CADPS: variants seen among roughly 807,000 people sequenced by gnomAD.
CADPS encodes calcium dependent secretion activator, also known as calcium-dependent secretion activator 1.
Under a neutral mutation model 167.3 loss-of-function variants are expected in CADPS, and 57 were observed. That is an observed-to-expected ratio of 0.34 (90% CI 0.28 to 0.42). CADPS has a LOEUF of 0.42. Ranked by LOEUF, CADPS falls within the 20% of genes least tolerant of loss-of-function variation. The pLI, the probability that CADPS is intolerant of heterozygous loss-of-function variation, is 1.00. For missense variants in CADPS, 1,414 were observed against 1,738.1 expected (o/e 0.81, Z 3.32); for synonymous variants, 676 against 635.3 (o/e 1.06, Z -0.96).
At chr3:62,415,136 G>A (rs367881940) in intron 28 of CADPS, among the ~76,000 whole-genome samples, 1 of 138,092 alleles carries the variant, frequency 7.2e-6, no homozygotes, top group Non-Finnish European at 1.6e-5. Context: ...ACACGCACAC[G>A]TACGACATCC....
chr3:62,612,054 C>A (rs937763579), intron 6 of CADPS, among the ~76,000 whole-genome samples: 1 of 152,188 alleles, frequency 6.6e-6, no homozygotes, highest in Admixed American at 6.5e-5. Context: ...AGACACTTAA[C>A]AAATATTTTT....
chr3:62,641,853 G>GC (rs142033589), intron 6 of CADPS, among the ~76,000 whole-genome samples: 6,419 of 152,134 alleles, frequency 0.042, 462 homozygotes, highest in African/African-American at 0.14. Flanking sequence ...ATAAGAGGCT[G>GC]CCGGCCTTCA....
At chr3:62,858,433 A>T (rs1050539681) in intron 1 of CADPS, among the ~76,000 whole-genome samples, 1 of 152,084 alleles carries the variant, frequency 6.6e-6, no homozygotes, top group African/African-American at 2.4e-5. Flanking sequence ...ATCAACTTGG[A>T]TCACCTGGGC....
At chr3:62,444,145 C>T (rs995981245) in intron 27 of CADPS, among the ~76,000 whole-genome samples, 7 of 152,168 alleles carry the variant, frequency 4.6e-5, no homozygotes, top group Admixed American at 1.3e-4. Context: ...GGCTGAGATA[C>T]CCCCTCTGCT....
chr3:62,556,711 G>T (rs949112361), intron 10 of CADPS, among the ~76,000 whole-genome samples: 1 of 151,894 alleles, frequency 6.6e-6, no homozygotes, highest in Non-Finnish European at 1.5e-5. Context: ...AAAATGGGTG[G>T]GGGGAGAGGT....
intron 3 of CADPS, among the ~76,000 whole-genome samples, chr3:62,737,247 G>A (rs978050294): frequency 1.3e-5 from 2 of 151,938 alleles, no homozygotes; most frequent in Non-Finnish European, 2.9e-5. Flanking sequence ...CCAGGAGTTC[G>A]AGACCAGCCT....
chr3:62,531,757 T>G (rs150664956), intron 13 of CADPS, among the ~76,000 whole-genome samples: 3 of 152,312 alleles, frequency 2.0e-5, no homozygotes, highest in African/African-American at 7.2e-5. Context: ...AGGCTTGTCT[T>G]TATACTAATG....
intron 1 of CADPS, among the ~76,000 whole-genome samples, chr3:62,861,129 C>T (rs1157669391): frequency 6.6e-6 from 1 of 152,160 alleles, no homozygotes; most frequent in East Asian, 1.9e-4. Context: ...TAAACTCCAT[C>T]TGCATCCTTT....
intron 4 of CADPS, among the ~76,000 whole-genome samples, chr3:62,658,275 T>G (rs1212538840): frequency 6.6e-6 from 1 of 152,184 alleles, no homozygotes; most frequent in Admixed American, 6.5e-5. Context: ...AAATGAGATT[T>G]TATGTGAATT....
chr3:62,772,542 G>A (rs1321835063), intron 1 of CADPS, among the ~76,000 whole-genome samples: 1 of 151,990 alleles, frequency 6.6e-6, no homozygotes, highest in Non-Finnish European at 1.5e-5. Flanking sequence ...TCGCAGAAAT[G>A]TGGTCCTTAC....
chr3:62,640,664 T>G (rs1442898472), intron 6 of CADPS, among the ~76,000 whole-genome samples: 1 of 152,200 alleles, frequency 6.6e-6, no homozygotes, highest in Non-Finnish European at 1.5e-5. Flanking sequence ...ACGAAGCCCA[T>G]GGCCTGTCAG....
chr3:62,509,178 C>T (rs371282244), intron 17 of CADPS, among the ~76,000 whole-genome samples: 35 of 151,656 alleles, frequency 2.3e-4, no homozygotes, highest in African/African-American at 8.2e-4. Context: ...GTGGTGTGTG[C>T]CTGTAGTCCC....
intron 2 of CADPS, among the ~76,000 whole-genome samples, chr3:62,757,029 A>G (rs1191112290): frequency 6.6e-6 from 1 of 152,162 alleles, no homozygotes; most frequent in Non-Finnish European, 1.5e-5. Context: ...TTTAATGTGG[A>G]AAAGAGACTG....
intron 7 of CADPS, among the ~76,000 whole-genome samples, chr3:62,587,576 A>C (rs184929896): frequency 2.6e-5 from 4 of 152,278 alleles, no homozygotes; most frequent in Admixed American, 2.6e-4. Context: ...GTAAGTAAGA[A>C]AGGCCCTGGG....
intron 2 of CADPS, among the ~76,000 whole-genome samples, chr3:62,759,433 T>C (rs944331319): frequency 6.6e-6 from 1 of 152,212 alleles, no homozygotes; most frequent in Non-Finnish European, 1.5e-5. Flanking sequence ...CCATGATATA[T>C]GGTTATAATG....
At chr3:62,773,813 C>A (rs2089564566) in intron 1 of CADPS, among the ~76,000 whole-genome samples, 1 of 152,094 alleles carries the variant, frequency 6.6e-6, no homozygotes, top group Non-Finnish European at 1.5e-5. Context: ...AATTCTTGCT[C>A]ATTTTTAAAA....
intron 6 of CADPS, among the ~76,000 whole-genome samples, chr3:62,637,208 G>T (rs547991303): frequency 6.6e-6 from 1 of 152,172 alleles, no homozygotes; most frequent in South Asian, 2.1e-4. Context: ...TTCAAATTTA[G>T]GGAAACTGAG....
intron 1 of CADPS, among the ~76,000 whole-genome samples, chr3:62,805,531 A>G (rs575657277): frequency 8.5e-5 from 13 of 152,294 alleles, no homozygotes; most frequent in African/African-American, 2.4e-4. Context: ...AAGATGAGTC[A>G]TCTATAGTTT....
chr3:62,697,468 A>G (rs34147184), intron 3 of CADPS, among the ~76,000 whole-genome samples: 12,078 of 152,114 alleles, frequency 0.079, 631 homozygotes, highest in Non-Finnish European at 0.12. Flanking sequence ...GTAGCATTCT[A>G]TCGTATATAT....
Sources: gnomAD v4.1 joint callset for allele counts (sites outside exome capture counted in the v4.1 genomes callset) on GRCh38, gnomAD v4.1.1 for gene constraint, MANE v1.5 for transcripts, NCBI Gene and HGNC (gene_info 2026-07-23, HGNC 2026-07-21) for gene names.